SLC12A4: variants seen among roughly 807,000 people sequenced by gnomAD.
SLC12A4 encodes the protein electroneutral potassium-chloride cotransporter 1.
A neutral mutation model predicts 119.2 loss-of-function variants in SLC12A4; 84 were observed. That is an observed-to-expected ratio of 0.70 (90% CI 0.59 to 0.85). SLC12A4 has a LOEUF of 0.85. Among genes scored for constraint, SLC12A4 ranks in the 40% least tolerant of loss-of-function variants. The probability of loss-of-function intolerance (pLI) is 0.00; values close to 1 mark genes in which losing one functional copy is unlikely to be tolerated. For missense variants in SLC12A4, 1,298 were observed against 1,476.3 expected (o/e 0.88, Z 1.98); for synonymous variants, 599 against 604.6 (o/e 0.99, Z 0.14).
chr16:67,950,273 AG>A lies in SLC12A4; in HGVS notation c.1629+45del. On this transcript the variant is annotated intron_variant, in intron 12 of 23. Transcript: ENST00000316341. The surrounding 1 kb of genome is among the most constrained non-coding windows in gnomAD (Gnocchi z 4.3). Reference sequence around the variant, plus strand: ...CCCTATCTCTCTCCCCAGCCGGGCGAGGGCCTGGGAGCAGCCAGGCCATGGG... The same window carrying A: ...CCCTATCTCTCTCCCCAGCCGGGCGAGGCCTGGGAGCAGCCAGGCCATGGG... 2 of 1,591,930 alleles carry A rather than the reference AG, an allele frequency of 1.3e-6. No homozygotes were observed. Among genetic ancestry groups the A allele is most frequent in the Non-Finnish European group, 1.7e-6 (2 of 1,166,898 alleles).
chr16:67,950,174 C>T lies in SLC12A4; in HGVS notation c.1629+145G>A. On this transcript the variant is annotated intron_variant, in intron 12 of 23. Coordinates refer to ENST00000316341, the MANE Select transcript of SLC12A4 (RefSeq NM_005072.5). The surrounding 1 kb of genome is among the most constrained non-coding windows in gnomAD (Gnocchi z 4.3). ...CCAGGTGAGTGCCAGGCCCAGGGCACTTCTCAGTAGCTCCTCATGGATGGC... is the reference window on the plus strand; with the variant it reads ...CCAGGTGAGTGCCAGGCCCAGGGCATTTCTCAGTAGCTCCTCATGGATGGC... The T allele has an allele frequency of 4.0e-6, 4 of 991,302 alleles. No homozygotes were observed. Among genetic ancestry groups the T allele is most frequent in the Non-Finnish European group, 5.9e-6 (4 of 683,620 alleles). 61.4% of individuals were successfully genotyped at this position (991,302 alleles called of 1,614,324 possible).
chr16:67,944,720 A>G lies in SLC12A4; in HGVS notation c.*120T>C. ...AAGGAGACCTAGCAAAGCTGGGTCC[A>G]GGACAGGGCCAGGCAAGCAGGGCTG... On this transcript the variant is annotated 3_prime_UTR_variant, in exon 24 of 24. Coordinates refer to ENST00000316341, the MANE Select transcript of SLC12A4 (RefSeq NM_005072.5). The surrounding 1 kb of genome is among the most constrained non-coding windows in gnomAD (Gnocchi z 6.6). 3 of 1,471,148 alleles carry G rather than the reference A, an allele frequency of 2.0e-6. No homozygotes were observed. The highest frequency in any genetic ancestry group is 2.7e-6 in the Non-Finnish European group (3 of 1,112,526). 91.1% of individuals were successfully genotyped at this position (1,471,148 alleles called of 1,614,324 possible). A position where few individuals can be genotyped will look rare whatever the true frequency, so the allele number is the denominator to read the frequency against.
rs759802612 is a variant in SLC12A4, at chr16:67,961,718, G to A, written c.211-12C>T. On this transcript the variant is annotated splice_polypyrimidine_tract_variant and intron_variant, in intron 2 of 23. Transcript: ENST00000316341. ...ATGTCCAGCTCTTCCTGCAAACAGA[G>A]CCACAGGGCAAGATGGCATTGGGCC... is the stretch of plus-strand genomic sequence containing the variant. The A allele has an allele frequency of 5.0e-6, 8 of 1,613,798 alleles. No individual in the cohort carries two copies. The African/African-American group carries it at 9.3e-5, about 19-fold the overall frequency.
At position 67,943,909 on chromosome 16, in the gene SLC12A4, G is replaced by C. The variant is rs956104455; in HGVS notation, c.*931C>G. On this transcript the variant is annotated 3_prime_UTR_variant, in exon 24 of 24. Transcript: ENST00000316341. The surrounding 1 kb of genome is among the most constrained non-coding windows in gnomAD (Gnocchi z 4.6). ...AGGGGCTGGGGCCCAGGCTCCCCAG[G>C]GTCTGGCGTGGTGCATCAGGGGCCT... The C allele has an allele frequency of 1.3e-6, 2 of 1,514,264 alleles. No individual in the cohort carries two copies. Among genetic ancestry groups the C allele is most frequent in the African/African-American group, 2.8e-5 (2 of 72,578 alleles). The allele number at this position is 1,514,264 out of a possible 1,614,324, so 93.8% of individuals were successfully genotyped here. A position where few individuals can be genotyped will look rare whatever the true frequency, so the allele number is the denominator to read the frequency against.
chr16:67,956,854 A>G (rs2030291277), intron 5 of SLC12A4, among the ~76,000 whole-genome samples: 1 of 151,718 alleles, frequency 6.6e-6, no homozygotes, highest in Non-Finnish European at 1.5e-5. Context: ...ATATATATAC[A>G]ATTTATGTAA....
Position 67,946,194 on chromosome 16 carries a change from G to A in SLC12A4, c.2584C>T (p.Pro862Ser). The A allele has an allele frequency of 3.1e-6, 5 of 1,613,932 alleles. No homozygotes were observed. Among genetic ancestry groups the A allele is most frequent in the Non-Finnish European group, 4.2e-6 (5 of 1,180,032 alleles). Residue 862 changes from proline (P) to serine (S), a missense_variant, in exon 19 of 24, where the codon CCC (proline) becomes TCC (serine). Transcript: ENST00000316341. ...VHDGGMLMLLPFLLRQHKVWR... is the reference protein window; with the variant it reads ...VHDGGMLMLLSFLLRQHKVWR... ...ACCTTATGCTGGCGCAGCAGGAAGG[G>A]CAGAAGCATGAGCATGCCACCATCG...
chr16:67,955,230 T>G (rs2030187445), intron 5 of SLC12A4, among the ~76,000 whole-genome samples: 1 of 152,214 alleles, frequency 6.6e-6, no homozygotes. Context: ...TGCCACCAGG[T>G]GAGTGTCCAC....
rs891891183 is a variant in SLC12A4 at position 67,949,580 on chromosome 16, C to A, written c.1748+220G>T. 2.2e-6 allele frequency: 1 copy of A among 463,490 alleles called. No individual in the cohort carries two copies. Among genetic ancestry groups the A allele is most frequent in the Non-Finnish European group, 3.8e-6 (1 of 263,552 alleles). 28.7% of individuals were successfully genotyped at this position (463,490 alleles called of 1,614,324 possible). A position where few individuals can be genotyped will look rare whatever the true frequency, so the allele number is the denominator to read the frequency against. On this transcript the variant is annotated intron_variant, in intron 13 of 23. Transcript: ENST00000316341. This position sits in a 1 kb window ranked among gnomAD's most constrained non-coding sequence, Gnocchi z 4.6. ...GTCTGCCGGCCACCTGCTCTGGGGG[C>A]CTCAGGGAGGTGTGGACATATTGGT... is the stretch of plus-strand genomic sequence containing the variant.
In SLC12A4 at chr16:67,947,898, G is replaced by A; in HGVS notation, c.1848-110C>T. The A allele has an allele frequency of 2.7e-6, 4 of 1,494,182 alleles. No individual in the cohort carries two copies. In the South Asian group the frequency reaches 4.9e-5, roughly 18 times the overall value. The allele number at this position is 1,494,182 out of a possible 1,614,324, so 92.6% of individuals were successfully genotyped here. ...GGTCCCGGGTGGGAGGTCCCAGGTG[G>A]GTGGTCAGGTCACTGGGTGTAAGAC... On this transcript the variant is annotated intron_variant, in intron 14 of 23. Coordinates refer to ENST00000316341, the MANE Select transcript of SLC12A4 (RefSeq NM_005072.5).
chr16:67,953,564 G>A (rs2030066652), intron 6 of SLC12A4, among the ~76,000 whole-genome samples: 1 of 152,132 alleles, frequency 6.6e-6, no homozygotes, highest in Non-Finnish European at 1.5e-5. Flanking sequence ...TGCTAATGGG[G>A]GTTCTTGGGA....
At chr16:67,955,947 C>G (rs1236822401) in intron 5 of SLC12A4, among the ~76,000 whole-genome samples, 2 of 151,836 alleles carry the variant, frequency 1.3e-5, no homozygotes, top group Non-Finnish European at 2.9e-5. Context: ...GAGGCTGAGG[C>G]AGGCAGATGA....
chr16:67,965,475 C>T (rs768377426), intron 1 of SLC12A4, among the ~76,000 whole-genome samples: 4 of 152,316 alleles, frequency 2.6e-5, no homozygotes, highest in Non-Finnish European at 4.4e-5. Flanking sequence ...GTGCTTGCCC[C>T]CTTCCTCTGC....
At chr16:67,960,644 A>G (rs2030513786) in intron 3 of SLC12A4, among the ~76,000 whole-genome samples, 1 of 151,154 alleles carries the variant, frequency 6.6e-6, no homozygotes, top group Non-Finnish European at 1.5e-5. Context: ...CTCTTAAAAC[A>G]CCACTGCTTC....
At position 67,949,736 on chromosome 16, in the gene SLC12A4, C is replaced by T. The variant is rs777944658; in HGVS notation, c.1748+64G>A. ...GGACCTCCAACACCAGACGCAGCCA[C>T]GGGGAGGTGCTGGGGTTCAGGAAGC... On this transcript the variant is annotated intron_variant, in intron 13 of 23. Transcript: ENST00000316341. The surrounding 1 kb of genome is among the most constrained non-coding windows in gnomAD (Gnocchi z 4.6). 13 of 1,128,370 alleles carry T rather than the reference C, an allele frequency of 1.2e-5. No individual in the cohort carries two copies. The highest frequency in any genetic ancestry group is 4.1e-5 in the South Asian group (3 of 73,140). The allele number at this position is 1,128,370 out of a possible 1,614,324, so 69.9% of individuals were successfully genotyped here. A position where few individuals can be genotyped will look rare whatever the true frequency, so the allele number is the denominator to read the frequency against.
chr16:67,966,724 A>T, intron 1 of SLC12A4: 1 of 1,551,240 alleles, frequency 6.4e-7, no homozygotes, highest in South Asian at 1.2e-5. Context: ...GACCCTTTGC[A>T]GTCCCCACCA....
At chr16:67,955,877 CAA>C (rs773351935) in intron 5 of SLC12A4, among the ~76,000 whole-genome samples, 1 of 134,498 alleles carries the variant, frequency 7.4e-6, no homozygotes, top group Non-Finnish European at 1.6e-5. Context: ...GACTCCGTCT[CAA>C]AAAAAAAAAA....
intron 6 of SLC12A4, 99 bp downstream of exon 6, chr16:67,954,544 G>T: frequency 6.9e-7 from 1 of 1,447,770 alleles, no homozygotes; most frequent in Non-Finnish European, 9.5e-7. Context: ...CCCAGGCCTT[G>T]GCCAGACATG....
At position 67,961,566 on chromosome 16, in the gene SLC12A4, C is replaced by T. The variant is rs1392062297; in HGVS notation, c.342+9G>A. On this transcript the variant is annotated intron_variant, in intron 3 of 23. Coordinates refer to ENST00000316341, the MANE Select transcript of SLC12A4 (RefSeq NM_005072.5). ...AGGTGTGGCCCCTCTGCCGCCCCAA[C>T]CAGCTCACCTCGGCTGCCCTCCGGC... is the stretch of plus-strand genomic sequence containing the variant. 3.5e-5 allele frequency: 57 copies of T among 1,612,008 alleles called. No homozygotes were observed. The highest frequency in any genetic ancestry group is 4.7e-5 in the Non-Finnish European group (55 of 1,179,882).
intron 13 of SLC12A4, among the ~76,000 whole-genome samples, chr16:67,948,665 G>A (rs527919969): frequency 1.3e-5 from 2 of 152,280 alleles, no homozygotes; most frequent in African/African-American, 2.4e-5. Context: ...ACCCGAGGAC[G>A]GGTGCGCAGG....
Sources: gnomAD v4.1 joint callset for allele counts (sites outside exome capture counted in the v4.1 genomes callset) on GRCh38, gnomAD v4.1.1 for gene constraint, Gnocchi (gnomAD v3.1) non-coding constraint, MANE v1.5 for transcripts, NCBI Gene and HGNC (gene_info 2026-07-23, HGNC 2026-07-21) for gene names.